SLC5A1: variants seen among roughly 807,000 people sequenced by gnomAD.
SLC5A1 encodes the protein solute carrier family 5 member 1.
Under a neutral mutation model 73.5 loss-of-function variants are expected in SLC5A1, and 42 were observed. The ratio of observed to expected loss-of-function variants is 0.57; its 90% confidence interval spans 0.45 to 0.74. The LOEUF (loss-of-function observed/expected upper bound fraction) is 0.74. SLC5A1 is among the 30% of genes least tolerant of loss of function. SLC5A1 has a pLI of 0.00. For synonymous variants in SLC5A1, 300 were observed against 317.4 expected, an observed-to-expected ratio of 0.95 and a Z score of 0.58; for missense variants, 634 against 855.4, an observed-to-expected ratio of 0.74 and a Z score of 3.23.
At chr22:32,075,848 GA>G (rs981575760) in intron 5 of SLC5A1, among the ~76,000 whole-genome samples, 45 of 152,264 alleles carry the variant, frequency 3.0e-4, no homozygotes, top group African/African-American at 1.1e-3. Flanking sequence ...ACAGAGCATT[GA>G]AATTTTAAAA....
chr22:32,075,779 T>C (rs2149490198), intron 5 of SLC5A1, among the ~76,000 whole-genome samples: 1 of 152,190 alleles, frequency 6.6e-6, no homozygotes, highest in Middle Eastern at 3.4e-3. Context: ...TAGGGAGGGA[T>C]GCAGACAGGC....
Position 32,081,941 on chromosome 22 carries a change from T to C in SLC5A1, c.553T>C (p.Leu185=), listed in dbSNP as rs759839671. The C allele has an allele frequency of 1.2e-6, 2 of 1,613,274 alleles. No homozygotes were observed. The highest frequency in any genetic ancestry group is 1.7e-6 in the Non-Finnish European group (2 of 1,179,258). Residue 185 remains leucine, a synonymous_variant, in exon 6 of 15, where the codon TTG becomes CTG. Coordinates refer to ENST00000266088, the MANE Select transcript of SLC5A1 (RefSeq NM_000343.4). ...TCTGTATTTAGCCATCTTTCTCTTA[T>C]TGGCAATCACTGCCCTTTACACAAT... ...LNLYLAIFLL[L]AITALYTITG... is the part of the protein sequence containing the mutation.
At chr22:32,046,705 T>C (rs1047904528) in intron 1 of SLC5A1, among the ~76,000 whole-genome samples, 13 of 152,244 alleles carry the variant, frequency 8.5e-5, no homozygotes, top group African/African-American at 3.1e-4. Context: ...GTTCCTCATC[T>C]GGACAGAGGC....
intron 5 of SLC5A1, among the ~76,000 whole-genome samples, chr22:32,075,829 A>G (rs2093990070): frequency 6.6e-6 from 1 of 152,212 alleles, no homozygotes; most frequent in South Asian, 2.1e-4. Flanking sequence ...TTTAGGTTCA[A>G]CATGGGTCAC....
intron 5 of SLC5A1, among the ~76,000 whole-genome samples, chr22:32,078,459 G>C (rs1255554306): frequency 6.6e-6 from 1 of 151,692 alleles, no homozygotes; most frequent in African/African-American, 2.4e-5. Flanking sequence ...GTAGAGACAG[G>C]GTTTTACCAT....
chr22:32,072,634 TA>T (rs1283268724), intron 5 of SLC5A1, among the ~76,000 whole-genome samples: 1 of 152,258 alleles, frequency 6.6e-6, no homozygotes, highest in Admixed American at 6.5e-5. Flanking sequence ...AAATTTACAG[TA>T]ATTTCTTAAT....
intron 12 of SLC5A1, 64 bp from the exon 13 acceptor site, chr22:32,101,958 A>G (rs1465977645): frequency 7.8e-7 from 1 of 1,286,712 alleles, no homozygotes; most frequent in Non-Finnish European, 1.1e-6. Flanking sequence ...CTCTCCAAAG[A>G]ATGTTAGAAA....
intron 13 of SLC5A1, among the ~76,000 whole-genome samples, chr22:32,104,359 A>G (rs1300344199): frequency 1.3e-5 from 2 of 152,228 alleles, no homozygotes; most frequent in Non-Finnish European, 2.9e-5. Context: ...ACCATATTCT[A>G]TTATGGCTCA....
At chr22:32,089,958 G>C (rs1416802037) in intron 10 of SLC5A1, among the ~76,000 whole-genome samples, 1 of 152,054 alleles carries the variant, frequency 6.6e-6, no homozygotes, top group Non-Finnish European at 1.5e-5. Context: ...TTAATAACAA[G>C]AGTTCCGTAT....
chr22:32,103,846 A>C (rs1403389174), intron 13 of SLC5A1, among the ~76,000 whole-genome samples: 8 of 152,166 alleles, frequency 5.3e-5, no homozygotes, highest in African/African-American at 1.7e-4. Flanking sequence ...TTAACTCTAG[A>C]TGCCCCCATT....
chr22:32,068,098 G>A (rs2093977065), intron 4 of SLC5A1, 72 bp downstream of exon 4: 7 of 1,441,338 alleles, frequency 4.9e-6, no homozygotes, highest in South Asian at 3.4e-5. Context: ...CTAGAGGGCA[G>A]AGGAGACATT....
intron 5 of SLC5A1, among the ~76,000 whole-genome samples, chr22:32,076,379 AATTTCCCGGCATGTGCATCTT>A (rs1415686128): frequency 6.6e-6 from 1 of 152,160 alleles, no homozygotes; most frequent in East Asian, 1.9e-4. Flanking sequence ...CATTCTGTAA[AATTTCCCGGCATGTGCATCTT>A]ATGCAAATGT....
chr22:32,081,404 T>G (rs1181424000), intron 5 of SLC5A1, among the ~76,000 whole-genome samples: 2 of 151,748 alleles, frequency 1.3e-5, no homozygotes, highest in African/African-American at 2.4e-5. Context: ...CGCTCCTGGG[T>G]GGGGGTGGGG....
At chr22:32,085,592 C>A (rs965372030) in intron 9 of SLC5A1, among the ~76,000 whole-genome samples, 1 of 147,736 alleles carries the variant, frequency 6.8e-6, no homozygotes, top group African/African-American at 2.5e-5. Context: ...TATGACATGC[C>A]TCCAGGTCAC....
chr22:32,076,431 G>A lies in SLC5A1; in HGVS notation c.478-5435G>A, dbSNP rs931728624. Among the ~76,000 whole-genome samples the A allele has an allele frequency of 2.4e-4, 37 of 152,284 alleles. No individual in the cohort carries two copies. The Middle Eastern group carries it at 0.01, about 42-fold the overall frequency. ...AATGTGCACAATCCCTGGAGATAAA[G>A]CCTCAGATTTTATGACTTACATGTG... On this transcript the variant is annotated intron_variant, in intron 5 of 14. Transcript: ENST00000266088.
chr22:32,049,099 T>G (rs200476382), intron 1 of SLC5A1, among the ~76,000 whole-genome samples: 7 of 98,596 alleles, frequency 7.1e-5, no homozygotes, highest in African/African-American at 1.8e-4. Flanking sequence ...TAAATATATA[T>G]ATATATATAT....
chr22:32,110,123 C>G lies in SLC5A1; in HGVS notation c.1905C>G (p.Thr635=), dbSNP rs1322815573. Residue 635 remains threonine (T), a synonymous_variant, in exon 15 of 15, where the codon ACC becomes ACG. Transcript: ENST00000266088. The part of the protein sequence containing the change: ...EKAMKMKMTD[T]SEKPLWRTVL... Reference sequence around the variant, plus strand: ...CCATGAAGATGAAGATGACGGACACCTCTGAGAAGCCTTTGTGGAGGACAG... The same window carrying G: ...CCATGAAGATGAAGATGACGGACACGTCTGAGAAGCCTTTGTGGAGGACAG... 1.2e-6 allele frequency: 2 copies of G among 1,614,032 alleles called. No homozygotes were observed. Among genetic ancestry groups the G allele is most frequent in the Non-Finnish European group, 1.7e-6 (2 of 1,180,008 alleles).
chr22:32,056,182 T>C (rs927075265), intron 2 of SLC5A1, among the ~76,000 whole-genome samples: 4 of 152,084 alleles, frequency 2.6e-5, no homozygotes, highest in Non-Finnish European at 5.9e-5. Context: ...CCACCACGCC[T>C]GGCTAATTTT....
chr22:32,092,263 G>A (rs1313546556), intron 11 of SLC5A1, among the ~76,000 whole-genome samples: 3 of 152,230 alleles, frequency 2.0e-5, no homozygotes, highest in East Asian at 3.9e-4. Context: ...CAGTTGCTGC[G>A]AATGCCATTA....
Sources: allele counts gnomAD v4.1 joint callset (sites outside exome capture counted in the v4.1 genomes callset), GRCh38; gene constraint gnomAD v4.1.1; transcripts MANE v1.5; gene names NCBI Gene and HGNC (gene_info 2026-07-23, HGNC 2026-07-21).